The following LDB3 variants were observed in gnomAD, a reference collection of about 807,000 sequenced individuals.
The protein encoded by LDB3 is LIM domain binding 3, also known as LIM domain-binding protein 3.
LDB3 carries 49 observed loss-of-function variants against 69.0 expected under a neutral mutation model. That is an observed-to-expected ratio of 0.71 (90% CI 0.56 to 0.90). The LOEUF (loss-of-function observed/expected upper bound fraction) is 0.90. Among genes scored for constraint, LDB3 ranks in the 40% least tolerant of loss-of-function variants. The probability of loss-of-function intolerance (pLI) is 0.00; values close to 1 mark genes in which losing one functional copy is unlikely to be tolerated. For synonymous variants in LDB3, 387 were observed against 396.2 expected, an observed-to-expected ratio of 0.98 and a Z score of 0.28; for missense variants, 928 against 974.1, an observed-to-expected ratio of 0.95 and a Z score of 0.63.
chr10:86,707,636 C>A (rs1846491525), intron 8 of LDB3, among the ~76,000 whole-genome samples: 1 of 152,176 alleles, frequency 6.6e-6, no homozygotes, highest in Non-Finnish European at 1.5e-5. Flanking sequence ...GGCCTCCCAC[C>A]CTGGCCCCCA....
Position 86,695,621 on chromosome 10 carries a change from T to C in LDB3, c.896+3050T>C, listed in dbSNP as rs115370912. Among the ~76,000 whole-genome samples the C allele has an allele frequency of 5.6e-3, 847 of 152,326 alleles. 8 individuals carry two copies. Among genetic ancestry groups the C allele is most frequent in the African/African-American group, 0.019 (807 of 41,576 alleles). On this transcript the variant is annotated intron_variant, in intron 7 of 13. Coordinates refer to ENST00000361373, the MANE Select transcript of LDB3 (RefSeq NM_007078.3). ...CACATGGGAACTACTCTAGTAGGTA[T>C]AGGTGACGCTGTGGCTCCCCAGTTT...
chr10:86,700,174 A>T (rs1589657497), intron 7 of LDB3: 1 of 572,798 alleles, frequency 1.7e-6, no homozygotes, highest in Non-Finnish European at 2.2e-6. Flanking sequence ...CACCGGCCCC[A>T]GGACACAGCG....
chr10:86,707,831 C>A (rs759157154), intron 8 of LDB3, among the ~76,000 whole-genome samples: 2 of 152,200 alleles, frequency 1.3e-5, no homozygotes, highest in African/African-American at 4.8e-5. Flanking sequence ...GAAGGAGGAG[C>A]CTGGCCCTCC....
intron 2 of LDB3, among the ~76,000 whole-genome samples, chr10:86,674,380 A>G (rs964221397): frequency 1.3e-5 from 2 of 152,106 alleles, no homozygotes; most frequent in Admixed American, 1.3e-4. Context: ...CCCCGCCCCC[A>G]GCCCCCAGCA....
At chr10:86,691,015 C>T (rs561418048) in intron 5 of LDB3, among the ~76,000 whole-genome samples, 57 of 152,288 alleles carry the variant, frequency 3.7e-4, no homozygotes, top group East Asian at 3.1e-3. Flanking sequence ...GTGGGCTGGG[C>T]GGCTTGGTCC....
intron 13 of LDB3, among the ~76,000 whole-genome samples, chr10:86,729,305 G>A (rs547787813): frequency 2.1e-4 from 32 of 152,336 alleles, no homozygotes; most frequent in African/African-American, 7.7e-4. Flanking sequence ...CCTGAGAAGT[G>A]CACTGTGGGT....
At position 86,679,466 on chromosome 10, in the gene LDB3, G is replaced by A. The variant is rs1589618018; in HGVS notation, c.193G>A (p.Ala65Thr). ...CACAGACACCATGACCCACCTGGAAGCCCAGAACAAGATCAAGTCTGCCAG... is the reference window on the plus strand; with the variant it reads ...CACAGACACCATGACCCACCTGGAAACCCAGAACAAGATCAAGTCTGCCAG... ...VNTDTMTHLEAQNKIKSASYN... is the reference protein window; with the variant it reads ...VNTDTMTHLETQNKIKSASYN... The change falls in exon 3 of 14, where the codon GCC (alanine) becomes ACC (threonine). Residue 65 changes from alanine (A) to threonine (T), a missense_variant. Transcript: ENST00000361373. 6.2e-7 allele frequency: 1 copy of A among 1,614,126 alleles called. No individual in the cohort carries two copies. Among genetic ancestry groups the A allele is most frequent in the Non-Finnish European group, 8.5e-7 (1 of 1,180,042 alleles).
intron 5 of LDB3, among the ~76,000 whole-genome samples, chr10:86,691,006 T>A (rs1046617862): frequency 6.6e-6 from 1 of 152,094 alleles, no homozygotes; most frequent in Admixed American, 6.5e-5. Flanking sequence ...TCTGAGAAGG[T>A]GGGCTGGGCG....
intron 4 of LDB3, among the ~76,000 whole-genome samples, chr10:86,680,755 C>T (rs1480911440): frequency 1.3e-5 from 2 of 152,212 alleles, no homozygotes; most frequent in Non-Finnish European, 2.9e-5. Context: ...CCCAAGGCCC[C>T]GCCAAGCAGC....
At chr10:86,716,229 TAA>T (rs1491164939) in intron 9 of LDB3, 96 bp from the exon 10 acceptor site, 10 of 1,415,754 alleles carry the variant, frequency 7.1e-6, no homozygotes, top group Non-Finnish European at 1.0e-5. Context: ...GCTCTAATGT[TAA>T]AGTCACCTTT....
At chr10:86,726,778 T>C (rs191876727) in intron 13 of LDB3, among the ~76,000 whole-genome samples, 2 of 152,306 alleles carry the variant, frequency 1.3e-5, no homozygotes, top group East Asian at 3.9e-4. Context: ...CCTTTCCTGA[T>C]ATATAGCTGC....
chr10:86,712,163 GGGCCA>G, intron 9 of LDB3, among the ~76,000 whole-genome samples: 1 of 152,176 alleles, frequency 6.6e-6, no homozygotes, highest in South Asian at 2.1e-4. Flanking sequence ...CTGCCGGGCC[GGGCCA>G]CCGAGGCCGG....
intron 12 of LDB3, among the ~76,000 whole-genome samples, chr10:86,720,423 A>G (rs7909928): frequency 0.76 from 115,794 of 151,450 alleles, 45,174 homozygotes; most frequent in African/African-American, 0.92. Flanking sequence ...CAGCCTGGGC[A>G]ACACAGTAAG....
At chr10:86,716,194 C>G in intron 9 of LDB3, 133 bp from the exon 10 acceptor site, 1 of 1,016,894 alleles carries the variant, frequency 9.8e-7, no homozygotes, top group East Asian at 2.4e-5. Context: ...AGGAACAAGT[C>G]TCCCAAAAAA....
chr10:86,679,594 C>T (rs1219270914), intron 3 of LDB3, 76 bp downstream of exon 3: 9 of 1,530,378 alleles, frequency 5.9e-6, no homozygotes, highest in Non-Finnish European at 8.1e-6. Flanking sequence ...GAGGGATTGT[C>T]CCATAGCAAT....
At chr10:86,688,374 G>A (rs1279561141) in intron 5 of LDB3, among the ~76,000 whole-genome samples, 1 of 152,162 alleles carries the variant, frequency 6.6e-6, no homozygotes, top group Non-Finnish European at 1.5e-5. Flanking sequence ...TGATATGCAT[G>A]CAGGTTATAA....
chr10:86,668,410 G>T (rs11812601), upstream of LDB3: 131,666 of 522,536 alleles, frequency 0.25, 19,002 homozygotes, highest in East Asian at 0.45. Flanking sequence ...ATGGTGGACC[G>T]GCTGGGAGGC....
chr10:86,716,458 C>T lies in LDB3; in HGVS notation c.1363C>T (p.Pro455Ser), dbSNP rs1277655486. The T allele has an allele frequency of 6.2e-7, 1 of 1,603,970 alleles. No homozygotes were observed. Among genetic ancestry groups the T allele is most frequent in the Admixed American group, 1.7e-5 (1 of 59,244 alleles). ...CCCCTCACCTGTCCCCACCTACACT[C>T]CATCCCCAGCACCAGCCTATACCCC... ...YTPSPVPTYT[P>S]SPAPAYTPSP... Residue 455 changes from proline (P) to serine (S), a missense_variant, in exon 10 of 14, where the codon CCA (proline) becomes TCA (serine). Physicochemically the swap from Pro to Ser is moderately conservative, Grantham distance 74. Transcript: ENST00000361373.
intron 13 of LDB3, among the ~76,000 whole-genome samples, chr10:86,731,464 C>T (rs575248874): frequency 6.6e-6 from 1 of 152,150 alleles, no homozygotes; most frequent in South Asian, 2.1e-4. Flanking sequence ...ATCTCGTGGT[C>T]CTCCTGCCTC....
Sources: gnomAD v4.1 joint callset for allele counts (sites outside exome capture counted in the v4.1 genomes callset) on GRCh38, gnomAD v4.1.1 for gene constraint, MANE v1.5 for transcripts, NCBI Gene and HGNC (gene_info 2026-07-23, HGNC 2026-07-21) for gene names.